Variants in LMO7 observed in about 807,000 individuals in gnomAD.
The protein encoded by LMO7 is LIM domain 7, also known as LIM domain only protein 7.
A neutral mutation model predicts 206.5 loss-of-function variants in LMO7; 120 were observed. The ratio of observed to expected loss-of-function variants is 0.58; its 90% CI spans 0.50 to 0.68. LMO7 has a LOEUF of 0.68. Among genes scored for constraint, LMO7 ranks in the 30% least tolerant of loss-of-function variants. The pLI is 0.00. For missense variants in LMO7, 1,959 were observed against 1,957.9 expected (o/e 1.00, Z -0.01); for synonymous variants, 706 against 681.5 (o/e 1.04, Z -0.56).
intron 4 of LMO7, among the ~76,000 whole-genome samples, chr13:75,761,661 G>A (rs1032798817): frequency 2.6e-5 from 4 of 152,006 alleles, no homozygotes; most frequent in Non-Finnish European, 4.4e-5. Context: ...GTGTTTGTGT[G>A]GGAGTATACA....
chr13:75,834,200 T>A, intron 16 of LMO7, 26 bp from the exon 17 acceptor site: 1 of 1,543,036 alleles, frequency 6.5e-7, no homozygotes, highest in Non-Finnish European at 8.8e-7. Flanking sequence ...TTTTCCCCAA[T>A]TGGTTAATTT....
chr13:75,693,410 A>T (rs1009393395), intron 1 of LMO7, among the ~76,000 whole-genome samples: 1 of 152,192 alleles, frequency 6.6e-6, no homozygotes, highest in Non-Finnish European at 1.5e-5. Flanking sequence ...TCAAAATTTC[A>T]TATCAGCTGT....
chr13:75,743,579 C>T (rs2046595290), intron 3 of LMO7, among the ~76,000 whole-genome samples: 1 of 152,140 alleles, frequency 6.6e-6, no homozygotes, highest in Non-Finnish European at 1.5e-5. Flanking sequence ...GGCCATTATC[C>T]TTAGCAAACT....
chr13:75,727,352 GA>G (rs1295524034), intron 3 of LMO7, among the ~76,000 whole-genome samples: 1 of 151,766 alleles, frequency 6.6e-6, no homozygotes, highest in African/African-American at 2.4e-5. Flanking sequence ...TGGCACAAAT[GA>G]TATAGATGAC....
intron 13 of LMO7, 50 bp downstream of exon 13, chr13:75,819,585 G>A (rs1270685862): frequency 1.4e-6 from 2 of 1,451,864 alleles, no homozygotes; most frequent in East Asian, 2.4e-5. Flanking sequence ...AGATGCCAGT[G>A]TTATAAATAG....
intron 4 of LMO7, among the ~76,000 whole-genome samples, chr13:75,783,487 T>C (rs12871896): frequency 0.011 from 1,642 of 152,256 alleles, 9 homozygotes; most frequent in Non-Finnish European, 0.019. Flanking sequence ...CATGCCCAGC[T>C]AATTTTTGTA....
At chr13:75,675,935 T>C (rs911551247) in intron 1 of LMO7, among the ~76,000 whole-genome samples, 6 of 152,080 alleles carry the variant, frequency 3.9e-5, no homozygotes, top group Non-Finnish European at 8.8e-5. Context: ...ACACGATGCA[T>C]CTTAGATGAA....
rs545344528 is a variant in LMO7 at position 75,749,576 on chromosome 13, C to T, written c.211-11356C>T. ...ACTAGCCTTTACCAGAACGCTCAGC[C>T]CTCCCTCCCTGACCTGCTGCTGCCC... is the stretch of plus-strand genomic sequence containing the variant. On this transcript the variant is annotated intron_variant, in intron 3 of 30. Coordinates refer to ENST00000377534, the MANE Select transcript of LMO7 (RefSeq NM_001306080.2). Among the ~76,000 whole-genome samples the T allele has an allele frequency of 5.9e-5, 9 of 152,226 alleles. 1 individual carries two copies. In the South Asian group the frequency reaches 1.9e-3, roughly 32 times the overall value.
chr13:75,665,277 C>T (rs1179058523), intron 1 of LMO7, among the ~76,000 whole-genome samples: 2 of 151,990 alleles, frequency 1.3e-5, no homozygotes, highest in East Asian at 3.8e-4. Context: ...CAGAACAAAT[C>T]TGCTCTAATA....
intron 1 of LMO7, among the ~76,000 whole-genome samples, chr13:75,668,037 G>A (rs1430917747): frequency 6.6e-6 from 1 of 152,088 alleles, no homozygotes; most frequent in Non-Finnish European, 1.5e-5. Flanking sequence ...GTGAAACCCT[G>A]TCTCTACTAA....
At chr13:75,750,925 C>G (rs1417660679) in intron 3 of LMO7, among the ~76,000 whole-genome samples, 1 of 152,108 alleles carries the variant, frequency 6.6e-6, no homozygotes, top group Non-Finnish European at 1.5e-5. Context: ...GTCTATAAAT[C>G]ATAATGCTAA....
chr13:75,781,096 C>CTTTTTTTTTTTTTTTTTTTT (rs367937964), intron 4 of LMO7, among the ~76,000 whole-genome samples: 13 of 41,916 alleles, frequency 3.1e-4, no homozygotes, highest in South Asian at 9.1e-4. Flanking sequence ...CTCTATTTTC[C>CTTTTTTTTTTTTTTTTTTTT]TTTTTTTTTT....
chr13:75,701,853 C>T (rs1410452341), intron 1 of LMO7, among the ~76,000 whole-genome samples: 1 of 152,124 alleles, frequency 6.6e-6, no homozygotes, highest in Non-Finnish European at 1.5e-5. Flanking sequence ...ACTTACCTGG[C>T]CCCTAATAGG....
chr13:75,821,920 G>T (rs946386728), intron 14 of LMO7, among the ~76,000 whole-genome samples: 1 of 151,990 alleles, frequency 6.6e-6, no homozygotes, highest in Non-Finnish European at 1.5e-5. Flanking sequence ...AAAGTTTTAG[G>T]TTGAAAAATA....
chr13:75,688,042 CCTG>C (rs2041160213), intron 1 of LMO7, among the ~76,000 whole-genome samples: 1 of 152,174 alleles, frequency 6.6e-6, no homozygotes, highest in Non-Finnish European at 1.5e-5. Context: ...TGTTCTCTTG[CCTG>C]CCGCCACGTA....
chr13:75,833,838 G>A (rs1228084891), intron 16 of LMO7, among the ~76,000 whole-genome samples: 1 of 152,090 alleles, frequency 6.6e-6, no homozygotes, highest in Admixed American at 6.6e-5. Context: ...ATTTTAAGCA[G>A]TTTTAAATAG....
At chr13:75,770,005 T>G (rs1455124046) in intron 4 of LMO7, among the ~76,000 whole-genome samples, 1 of 152,120 alleles carries the variant, frequency 6.6e-6, no homozygotes, top group Non-Finnish European at 1.5e-5. Flanking sequence ...AACCCATAGT[T>G]ATTGTTTATC....
rs1049405410 is a variant in LMO7, at chr13:75,793,464, C to T, written c.318-1937C>T. On this transcript the variant is annotated intron_variant, in intron 4 of 30. Coordinates refer to ENST00000377534, the MANE Select transcript of LMO7 (RefSeq NM_001306080.2). ...CTAATTTTTGTCCTTTCAGTAGAGACGGGGTTTCCCCGTGTTGGCCAGGCT... is the reference window on the plus strand; with the variant it reads ...CTAATTTTTGTCCTTTCAGTAGAGATGGGGTTTCCCCGTGTTGGCCAGGCT... 7.2e-5 allele frequency among the ~76,000 whole-genome samples: 11 copies of T among 152,232 alleles called. No individual in the cohort carries two copies. In the East Asian group the frequency reaches 1.2e-3, roughly 16 times the overall value.
intron 4 of LMO7, among the ~76,000 whole-genome samples, chr13:75,767,987 C>G (rs1017236391): frequency 5.9e-5 from 9 of 152,154 alleles, no homozygotes; most frequent in Middle Eastern, 3.4e-3. Context: ...TGTAATTGCT[C>G]TTTGCTTGGA....
Sources: allele counts gnomAD v4.1 joint callset (sites outside exome capture counted in the v4.1 genomes callset), GRCh38; gene constraint gnomAD v4.1.1; transcripts MANE v1.5; gene names NCBI Gene and HGNC (gene_info 2026-07-23, HGNC 2026-07-21).